Variants in REXO2 observed in about 807,000 individuals in gnomAD.
The protein encoded by REXO2 is oligoribonuclease, mitochondrial.
Under a neutral mutation model 30.9 loss-of-function variants are expected in REXO2, and 17 were observed. The ratio of observed to expected loss-of-function variants is 0.55; its 90% CI spans 0.38 to 0.82. The LOEUF is 0.82. Ranked by LOEUF, REXO2 falls within the 40% of genes least tolerant of loss-of-function variation. REXO2 has a pLI of 0.00. For synonymous variants in REXO2, 105 were observed against 99.6 expected (o/e 1.05, Z -0.32); for missense variants, 253 against 293.2 (o/e 0.86, Z 1.00).
At position 114,450,090 on chromosome 11, in the gene REXO2, A is replaced by T; in HGVS notation, c.*115A>T. ...TCGGTTAACTTGCATCTCCAGATTGATTACTCAAGCAGACAGCACACGAAA... is the reference window on the plus strand; with the variant it reads ...TCGGTTAACTTGCATCTCCAGATTGTTTACTCAAGCAGACAGCACACGAAA... On this transcript the variant is annotated 3_prime_UTR_variant, in exon 7 of 7. Coordinates refer to ENST00000265881, the MANE Select transcript of REXO2 (RefSeq NM_015523.4). 1 of 1,047,224 alleles carries T rather than the reference A, an allele frequency of 9.5e-7. No individual in the cohort carries two copies. 64.9% of individuals were successfully genotyped at this position (1,047,224 alleles called of 1,614,324 possible).
rs1189911406 is a variant in REXO2, at chr11:114,447,859, A to G, written c.564A>G (p.Pro188=). The G allele has an allele frequency of 2.5e-6, 4 of 1,613,762 alleles. No homozygotes were observed. The highest frequency in any genetic ancestry group is 2.2e-5 in the East Asian group (1 of 44,880). Residue 188 remains proline (P), a synonymous_variant, in exon 6 of 7, where the codon CCA becomes CCG. Coordinates refer to ENST00000265881, the MANE Select transcript of REXO2 (RefSeq NM_015523.4). ...ATCCAGAAGAATATGAATTTGCACC[A>G]AAGAAGGCTGCTTCTCATAGGTAAG... ...RWYPEEYEFA[P]KKAASHRALD...
chr11:114,448,031 A>G, intron 6 of REXO2, 152 bp downstream of exon 6: 1 of 654,994 alleles, frequency 1.5e-6, no homozygotes, highest in South Asian at 2.0e-5. Flanking sequence ...ACTGTTAGGA[A>G]TTCTGGTCAG....
intron 2 of REXO2, 45 bp downstream of exon 2, chr11:114,440,784 G>T: frequency 7.3e-7 from 1 of 1,362,488 alleles, no homozygotes; most frequent in Admixed American, 1.8e-5. Context: ...AAAGGGCACT[G>T]GAAATATAAC....
chr11:114,442,256 G>C (rs2134783183), intron 2 of REXO2, among the ~76,000 whole-genome samples: 1 of 152,184 alleles, frequency 6.6e-6, no homozygotes, highest in Admixed American at 6.5e-5. Context: ...TAGAAGAGCA[G>C]GCATCCTACT....
intron 2 of REXO2, among the ~76,000 whole-genome samples, chr11:114,442,942 G>C (rs1946488619): frequency 6.6e-6 from 1 of 152,050 alleles, no homozygotes; most frequent in Non-Finnish European, 1.5e-5. Context: ...TGTGTGTAGT[G>C]AACTATTGGA....
chr11:114,440,897 G>C (rs758587361), intron 2 of REXO2, 158 bp downstream of exon 2: 3 of 498,192 alleles, frequency 6.0e-6, no homozygotes, highest in Non-Finnish European at 1.1e-5. Context: ...TAGAACCAAA[G>C]TAATCCATCT....
At chr11:114,439,766 G>A (rs1946462293) in intron 1 of REXO2, 91 bp downstream of exon 1, 3 of 1,399,790 alleles carry the variant, frequency 2.1e-6, no homozygotes, top group Non-Finnish European at 2.8e-6. Flanking sequence ...AGCGTTGGGG[G>A]TCTGGGTCTC....
intron 6 of REXO2, 27 bp from the exon 7 acceptor site, chr11:114,449,819 C>G: frequency 6.3e-7 from 1 of 1,592,288 alleles, no homozygotes. Flanking sequence ...TTGGACAGTT[C>G]ATTCATTGTG....
rs148088427 is a variant in REXO2 at position 114,443,517 on chromosome 11, C to CTT, written c.232-328_232-327dup. 4.3e-4 allele frequency among the ~76,000 whole-genome samples: 62 copies of CTT among 144,388 alleles called. 2 individuals are homozygous for CTT. The Middle Eastern group carries it at 0.022, about 51-fold the overall frequency. The allele number at this position is 144,388 out of a possible 152,430, so 94.7% of individuals were successfully genotyped here. ...CAGTCATATGTTCTTGTCATATGTTCTTTTTTTTTTTTAAACAATCTTTTA... is the reference window on the plus strand; with the variant it reads ...CAGTCATATGTTCTTGTCATATGTTCTTTTTTTTTTTTTTAAACAATCTTTTA... On this transcript the variant is annotated intron_variant, in intron 2 of 6. Coordinates refer to ENST00000265881, the MANE Select transcript of REXO2 (RefSeq NM_015523.4).
At chr11:114,444,380 A>T (rs554656560) in intron 3 of REXO2, 161 bp from the exon 4 acceptor site, 38 of 656,884 alleles carry the variant, frequency 5.8e-5, no homozygotes, top group South Asian at 4.6e-4. Context: ...AAGAAAAAAA[A>T]ATGGTGCAAA....
chr11:114,443,750 T>G (rs1946495020), intron 2 of REXO2, 106 bp from the exon 3 acceptor site: 2 of 767,120 alleles, frequency 2.6e-6, no homozygotes, highest in Admixed American at 5.1e-5. Flanking sequence ...TATCTCTTAC[T>G]TTCTCTGATA....
intron 5 of REXO2, chr11:114,446,320 G>GT: frequency 2.9e-6 from 1 of 341,766 alleles, no homozygotes; most frequent in East Asian, 4.5e-5. Context: ...CACAAAATAA[G>GT]TGCTCAATAC....
At chr11:114,440,117 G>T in intron 1 of REXO2, 1 of 466,240 alleles carries the variant, frequency 2.1e-6, no homozygotes, top group Non-Finnish European at 4.3e-6. Flanking sequence ...AGAACATTGA[G>T]GCCCACAGAA....
chr11:114,441,725 T>C (rs1193144751), intron 2 of REXO2: 9 of 702,272 alleles, frequency 1.3e-5, no homozygotes, highest in Non-Finnish European at 2.3e-5. Flanking sequence ...GTTAACACTT[T>C]TGTTTGTTTT....
intron 2 of REXO2, 76 bp downstream of exon 2, chr11:114,440,815 T>G (rs1291834896): frequency 1.7e-6 from 2 of 1,184,648 alleles, no homozygotes; most frequent in East Asian, 4.7e-5. Context: ...TCCAGCTTCT[T>G]TATTTAAAAA....
chr11:114,446,855 T>A (rs996516123), intron 5 of REXO2, among the ~76,000 whole-genome samples: 2 of 150,978 alleles, frequency 1.3e-5, no homozygotes, highest in African/African-American at 4.9e-5. Context: ...TTTGAGAAAG[T>A]GTAGGTAGAA....
At chr11:114,444,518 G>A (rs200951198) in intron 3 of REXO2, 23 bp from the exon 4 acceptor site, 2 of 1,545,232 alleles carry the variant, frequency 1.3e-6, no homozygotes, top group East Asian at 2.2e-5. Flanking sequence ...TTTTGGTGGG[G>A]GGCTGGGGAT....
At chr11:114,443,411 C>T (rs1229190474) in intron 2 of REXO2, among the ~76,000 whole-genome samples, 1 of 151,954 alleles carries the variant, frequency 6.6e-6, no homozygotes, top group Non-Finnish European at 1.5e-5. Context: ...GGCCTAGACA[C>T]TTTTCAAAAT....
intron 2 of REXO2, among the ~76,000 whole-genome samples, chr11:114,442,312 G>A (rs1946484375): frequency 1.3e-5 from 2 of 152,108 alleles, no homozygotes; most frequent in African/African-American, 4.8e-5. Context: ...GCTAAATAGG[G>A]ATCTAAAATA....
Sources: gnomAD v4.1 joint callset for allele counts (sites outside exome capture counted in the v4.1 genomes callset) on GRCh38, gnomAD v4.1.1 for gene constraint, MANE v1.5 for transcripts, NCBI Gene and HGNC (gene_info 2026-07-23, HGNC 2026-07-21) for gene names.